The following AUTS2 variants were observed in gnomAD, a reference collection of about 807,000 sequenced individuals.
The protein encoded by AUTS2 is autism susceptibility gene 2 protein.
Under a neutral mutation model 112.4 loss-of-function variants are expected in AUTS2, and 17 were observed. That is an observed-to-expected ratio of 0.15 (90% CI 0.10 to 0.23). The LOEUF (loss-of-function observed/expected upper bound fraction) is 0.23, where lower values mean the gene tolerates loss of function less well. AUTS2 is among the 10% of genes least tolerant of loss of function. The pLI is 1.00. For synonymous variants in AUTS2, 751 were observed against 702.7 expected (o/e 1.07, Z -1.09); for missense variants, 1,510 against 1,701.6 (o/e 0.89, Z 1.98).
chr7:70,305,133 C>A (rs1789433149), intron 4 of AUTS2, among the ~76,000 whole-genome samples: 1 of 151,928 alleles, frequency 6.6e-6, no homozygotes, highest in Non-Finnish European at 1.5e-5. Context: ...TTTACCTAAC[C>A]CATTTTTATA....
rs1305474227 is a variant in AUTS2, at chr7:69,683,768, T to C, written c.309+83806T>C. The stretch of plus-strand genomic sequence containing the variant: ...AAAAACCAAAAAACAAAAATTGGTC[T>C]GGCATGGTAGTACACGCCTATAATC... On this transcript the variant is annotated intron_variant, in intron 1 of 18. Coordinates refer to ENST00000342771, the MANE Select transcript of AUTS2 (RefSeq NM_015570.4). Among the ~76,000 whole-genome samples, 3 of 151,820 alleles carry C rather than the reference T, an allele frequency of 2.0e-5. 1 individual carries two copies. The Middle Eastern group carries it at 0.01, about 520-fold the overall frequency.
chr7:70,463,357 A>G (rs1468580972), intron 5 of AUTS2, among the ~76,000 whole-genome samples: 1 of 152,258 alleles, frequency 6.6e-6, no homozygotes, highest in Non-Finnish European at 1.5e-5. Flanking sequence ...CCAGATAAGC[A>G]TAGTCTTCCC....
chr7:69,663,745 G>A (rs1168358548), intron 1 of AUTS2, among the ~76,000 whole-genome samples: 2 of 152,098 alleles, frequency 1.3e-5, no homozygotes, highest in African/African-American at 4.8e-5. Context: ...GCTCTTGCCT[G>A]GAAACCCAAT....
chr7:70,666,994 T>G (rs900020328), intron 5 of AUTS2, among the ~76,000 whole-genome samples: 33 of 150,870 alleles, frequency 2.2e-4, no homozygotes, highest in Admixed American at 4.6e-4. Flanking sequence ...AAAAAAAAGT[T>G]TCCTTCCCCC....
chr7:69,756,801 G>T (rs1255376570), intron 1 of AUTS2, among the ~76,000 whole-genome samples: 8 of 152,086 alleles, frequency 5.3e-5, no homozygotes. Flanking sequence ...TCCATTGTCT[G>T]CTGCATTTAC....
intron 5 of AUTS2, among the ~76,000 whole-genome samples, chr7:70,625,844 G>A (rs768487207): frequency 1.3e-5 from 2 of 152,088 alleles, no homozygotes; most frequent in Non-Finnish European, 2.9e-5. Flanking sequence ...TATAAAATTG[G>A]CTAAATCATC....
Position 70,105,512 on chromosome 7 carries a change from C to T in AUTS2, c.523-12620C>T, listed in dbSNP as rs1009375849. On this transcript the variant is annotated intron_variant, in intron 2 of 18. Coordinates refer to ENST00000342771, the MANE Select transcript of AUTS2 (RefSeq NM_015570.4). ...CCCTCAAGTGATCTTCCAGCTTCAG[C>T]GTCCCAAAGTGCTGAGATTACAGGC... 8.5e-5 allele frequency among the ~76,000 whole-genome samples: 13 copies of T among 152,220 alleles called. 1 individual carries two copies. Among genetic ancestry groups the T allele is most frequent in the Admixed American group, 5.9e-4 (9 of 15,290 alleles).
chr7:70,137,938 A>G (rs1309622194), intron 4 of AUTS2, among the ~76,000 whole-genome samples: 4 of 152,070 alleles, frequency 2.6e-5, no homozygotes, highest in African/African-American at 9.7e-5. Context: ...TTGATCAGTT[A>G]TTTACATTTT....
intron 5 of AUTS2, among the ~76,000 whole-genome samples, chr7:70,454,333 G>A (rs1158486129): frequency 3.3e-5 from 5 of 152,042 alleles, no homozygotes; most frequent in South Asian, 2.1e-4. Context: ...TCAGGAGTTC[G>A]AGACCAGCCT....
chr7:70,353,871 G>C (rs1324318852), intron 4 of AUTS2, among the ~76,000 whole-genome samples: 1 of 152,150 alleles, frequency 6.6e-6, no homozygotes, highest in Non-Finnish European at 1.5e-5. Flanking sequence ...CTTGTTGTCA[G>C]CTCTGCCTCA....
Position 69,675,032 on chromosome 7 carries a change from T to C in AUTS2, c.309+75070T>C, listed in dbSNP as rs1796495254. ...CTGACAGTTGACAATGGTGTAGCTCTTTAAAAGAGGTGAAACTGGTCTGAC... is the reference window on the plus strand; with the variant it reads ...CTGACAGTTGACAATGGTGTAGCTCCTTAAAAGAGGTGAAACTGGTCTGAC... On this transcript the variant is annotated intron_variant, in intron 1 of 18. Transcript: ENST00000342771. Among the ~76,000 whole-genome samples the C allele has an allele frequency of 1.3e-5, 2 of 152,240 alleles. 1 individual carries two copies. Among genetic ancestry groups the C allele is most frequent in the South Asian group, 4.1e-4 (2 of 4,832 alleles).
chr7:69,995,272 C>G (rs546460291), intron 2 of AUTS2, among the ~76,000 whole-genome samples: 5 of 152,160 alleles, frequency 3.3e-5, no homozygotes, highest in Non-Finnish European at 7.3e-5. Context: ...CTCCCTACCC[C>G]TAACTTTATA....
At chr7:69,815,432 A>G (rs1790715683) in intron 1 of AUTS2, among the ~76,000 whole-genome samples, 1 of 152,074 alleles carries the variant, frequency 6.6e-6, no homozygotes, top group Non-Finnish European at 1.5e-5. Context: ...TTACCTTTGG[A>G]ATGATAGATC....
intron 1 of AUTS2, among the ~76,000 whole-genome samples, chr7:69,866,108 C>G (rs1488684358): frequency 3.3e-5 from 5 of 152,144 alleles, no homozygotes; most frequent in Admixed American, 2.6e-4. Context: ...GCTGATCATC[C>G]TCTTAACTGA....
At chr7:69,798,992 A>G (rs1398410743) in intron 1 of AUTS2, among the ~76,000 whole-genome samples, 1 of 151,944 alleles carries the variant, frequency 6.6e-6, no homozygotes, top group Non-Finnish European at 1.5e-5. Flanking sequence ...CCTAGTCTAA[A>G]AAAAAAAAAG....
At chr7:70,646,778 G>C (rs1002997393) in intron 5 of AUTS2, among the ~76,000 whole-genome samples, 6 of 152,260 alleles carry the variant, frequency 3.9e-5, no homozygotes, top group Admixed American at 2.6e-4. Context: ...GCCCGCTCTA[G>C]TGCGAGGGCC....
intron 4 of AUTS2, among the ~76,000 whole-genome samples, chr7:70,245,130 AAAAGTGTGTGT>A: frequency 1.3e-5 from 1 of 77,976 alleles, no homozygotes; most frequent in Non-Finnish European, 2.5e-5. Flanking sequence ...AAAAAAAAAA[AAAAGTGTGTGT>A]GTGTATATAT....
At chr7:70,628,711 C>A (rs1460976390) in intron 5 of AUTS2, among the ~76,000 whole-genome samples, 1 of 151,996 alleles carries the variant, frequency 6.6e-6, no homozygotes, top group African/African-American at 2.4e-5. Flanking sequence ...GCAGGGAGAC[C>A]AGTTAGGATG....
At chr7:70,024,457 G>C (rs907934929) in intron 2 of AUTS2, among the ~76,000 whole-genome samples, 2 of 152,156 alleles carry the variant, frequency 1.3e-5, no homozygotes, top group Admixed American at 1.3e-4. Context: ...TAATTACGGA[G>C]TAGTTATACT....
Sources: gnomAD v4.1 joint callset for allele counts (sites outside exome capture counted in the v4.1 genomes callset) on GRCh38, gnomAD v4.1.1 for gene constraint, MANE v1.5 for transcripts, NCBI Gene and HGNC (gene_info 2026-07-23, HGNC 2026-07-21) for gene names.